HS6ST2: variants seen among roughly 807,000 people sequenced by gnomAD.
HS6ST2 encodes the protein heparan sulfate 6-O-sulfotransferase 2.
Under a neutral mutation model 33.0 loss-of-function variants are expected in HS6ST2, and 17 were observed. That is an observed-to-expected ratio of 0.52 (90% CI 0.35 to 0.77). The LOEUF (loss-of-function observed/expected upper bound fraction) is 0.77, where lower values mean the gene tolerates loss of function less well. HS6ST2 is among the 30% of genes least tolerant of loss of function. HS6ST2 has a pLI of 0.01. For synonymous variants in HS6ST2, 248 were observed against 237.1 expected, an observed-to-expected ratio of 1.05 and a Z score of -0.42; for missense variants, 519 against 551.7, an observed-to-expected ratio of 0.94 and a Z score of 0.59.
chrX:132,635,649 G>T (rs886763864), intron 4 of HS6ST2, among the ~76,000 whole-genome samples: 1 of 110,699 alleles, frequency 9.0e-6, no homozygotes, highest in Non-Finnish European at 1.9e-5. Flanking sequence ...GGGATATTTT[G>T]GTTGTAATGA....
At chrX:132,833,921 T>C (rs1390661479) in intron 2 of HS6ST2, among the ~76,000 whole-genome samples, 1 of 111,017 alleles carries the variant, frequency 9.0e-6, no homozygotes, top group Non-Finnish European at 1.9e-5. Context: ...CTGTTAAGGA[T>C]GAAATGTTAA....
At chrX:132,783,094 C>T (rs977963504) in intron 2 of HS6ST2, among the ~76,000 whole-genome samples, 2 of 112,017 alleles carry the variant, frequency 1.8e-5, no homozygotes, top group African/African-American at 6.5e-5. Context: ...CAGGTTCTTA[C>T]ACAGTTTGTG....
At chrX:132,766,486 G>T (rs180866101) in intron 2 of HS6ST2, among the ~76,000 whole-genome samples, 11 of 111,535 alleles carry the variant, frequency 9.9e-5, no homozygotes, top group Admixed American at 3.8e-4. Flanking sequence ...GGAATCTTGG[G>T]GTCCTGACAG....
At chrX:132,826,700 G>T (rs1304008116) in intron 2 of HS6ST2, among the ~76,000 whole-genome samples, 1 of 109,466 alleles carries the variant, frequency 9.1e-6, no homozygotes, top group Non-Finnish European at 1.9e-5. Flanking sequence ...AAAATATAAA[G>T]CATGTGAACA....
At chrX:132,697,709 T>C (rs2064113140) in intron 3 of HS6ST2, among the ~76,000 whole-genome samples, 2 of 111,826 alleles carry the variant, frequency 1.8e-5, no homozygotes, top group Non-Finnish European at 3.8e-5. Flanking sequence ...AAGTACCAAG[T>C]ATCTACGTTT....
intron 2 of HS6ST2, among the ~76,000 whole-genome samples, chrX:132,949,151 ATCTAAGC>A (rs1222258356): frequency 9.1e-6 from 1 of 110,438 alleles, no homozygotes; most frequent in African/African-American, 3.3e-5. Flanking sequence ...ACACTAACTG[ATCTAAGC>A]TCCCAGTTAT....
intron 2 of HS6ST2, among the ~76,000 whole-genome samples, chrX:132,888,334 G>T (rs1017173321): frequency 2.7e-5 from 3 of 111,415 alleles, no homozygotes; most frequent in Non-Finnish European, 5.6e-5. Flanking sequence ...GCAATAAAGA[G>T]CTTGTGCAGG....
chrX:132,683,195 C>A (rs1479526455), intron 3 of HS6ST2, among the ~76,000 whole-genome samples: 1 of 111,616 alleles, frequency 9.0e-6, no homozygotes, highest in Non-Finnish European at 1.9e-5. Flanking sequence ...CCTTTGTATG[C>A]CTAGGTGGGC....
At chrX:132,944,036 G>C (rs779736220) in intron 2 of HS6ST2, among the ~76,000 whole-genome samples, 2 of 111,203 alleles carry the variant, frequency 1.8e-5, no homozygotes, top group South Asian at 7.7e-4. Flanking sequence ...AGGAAATAAA[G>C]GGTATTCAAT....
intron 2 of HS6ST2, among the ~76,000 whole-genome samples, chrX:132,830,205 C>T (rs1443523887): frequency 8.9e-6 from 1 of 112,177 alleles, no homozygotes; most frequent in Non-Finnish European, 1.9e-5. Context: ...TCCATACCTG[C>T]ATGACTTCTC....
intron 3 of HS6ST2, among the ~76,000 whole-genome samples, chrX:132,707,204 C>T (rs1475172665): frequency 1.8e-5 from 2 of 111,797 alleles, no homozygotes; most frequent in Admixed American, 9.5e-5. Flanking sequence ...ATTTTACAGG[C>T]GAGGAAATTA....
chrX:132,850,704 A>C (rs1156334443), intron 2 of HS6ST2, among the ~76,000 whole-genome samples: 7 of 100,395 alleles, frequency 7.0e-5, no homozygotes, highest in African/African-American at 2.7e-4. Context: ...TCTAAAGTCC[A>C]GATAAGAAAA....
chrX:132,638,962 A>G (rs1463488103), intron 4 of HS6ST2, among the ~76,000 whole-genome samples: 3 of 112,529 alleles, frequency 2.7e-5, no homozygotes, highest in Non-Finnish European at 5.6e-5. Context: ...CTGATTAACT[A>G]AAAGTAAACC....
chrX:132,689,001 A>T (rs2148227384), intron 3 of HS6ST2, among the ~76,000 whole-genome samples: 1 of 111,889 alleles, frequency 8.9e-6, no homozygotes, highest in Non-Finnish European at 1.9e-5. Context: ...CATAGGTTGA[A>T]TGTCCCAACT....
At chrX:132,770,844 C>A (rs1331608621) in intron 2 of HS6ST2, among the ~76,000 whole-genome samples, 1 of 111,228 alleles carries the variant, frequency 9.0e-6, no homozygotes, top group Non-Finnish European at 1.9e-5. Flanking sequence ...TATACCCTTA[C>A]AAATGATGTT....
At chrX:132,755,420 G>T (rs1262903911) in intron 2 of HS6ST2, among the ~76,000 whole-genome samples, 1 of 111,511 alleles carries the variant, frequency 9.0e-6, no homozygotes, top group Admixed American at 9.5e-5. Context: ...TCTCCAAGGA[G>T]CCCTGGTTGC....
chrX:132,714,757 G>A (rs2064259739), intron 2 of HS6ST2, among the ~76,000 whole-genome samples: 1 of 111,636 alleles, frequency 9.0e-6, no homozygotes, highest in Non-Finnish European at 1.9e-5. Flanking sequence ...CAAAGTCAGA[G>A]TAGATAAGTC....
At chrX:132,677,688 G>GAA (rs2063934159) in intron 3 of HS6ST2, among the ~76,000 whole-genome samples, 1 of 112,354 alleles carries the variant, frequency 8.9e-6, no homozygotes, top group Non-Finnish European at 1.9e-5. Flanking sequence ...GCCTATTGCA[G>GAA]AAGTATTTCT....
rs970094419 is a variant in HS6ST2, at chrX:132,819,717, C to T, written c.948-111223G>A. Among the ~76,000 whole-genome samples the T allele has an allele frequency of 5.4e-5, 6 of 111,833 alleles. No homozygotes were observed. In the South Asian group the frequency reaches 1.5e-3, roughly 28 times the overall value. Reference sequence around the variant, plus strand: ...AATTGCAGTTGTCATGCTCCATGTCCCCTGCCATCCCAGAGCCAAGCACTT... The same window carrying T: ...AATTGCAGTTGTCATGCTCCATGTCTCCTGCCATCCCAGAGCCAAGCACTT... On this transcript the variant is annotated intron_variant, in intron 2 of 4. Coordinates refer to ENST00000370833, the MANE Select transcript of HS6ST2 (RefSeq NM_001394073.1).
Sources: gnomAD v4.1 joint callset for allele counts (sites outside exome capture counted in the v4.1 genomes callset) on GRCh38, gnomAD v4.1.1 for gene constraint, MANE v1.5 for transcripts, NCBI Gene and HGNC (gene_info 2026-07-23, HGNC 2026-07-21) for gene names.